PTPRR: variants seen among roughly 807,000 people sequenced by gnomAD.
PTPRR encodes protein tyrosine phosphatase receptor type R.
A neutral mutation model predicts 77.2 loss-of-function variants in PTPRR; 38 were observed. The ratio of observed to expected loss-of-function variants is 0.49; its 90% confidence interval spans 0.38 to 0.65. The LOEUF is 0.65. PTPRR is among the 30% of genes least tolerant of loss of function. The probability of loss-of-function intolerance (pLI) is 0.00; values close to 1 mark genes in which losing one functional copy is unlikely to be tolerated. For missense variants in PTPRR, 744 were observed against 799.2 expected (o/e 0.93, Z 0.83); for synonymous variants, 299 against 283.1 (o/e 1.06, Z -0.57).
intron 2 of PTPRR, among the ~76,000 whole-genome samples, chr12:70,787,096 G>T (rs558292743): frequency 4.6e-5 from 7 of 152,260 alleles, no homozygotes; most frequent in African/African-American, 1.7e-4. Flanking sequence ...GAGTGATGTT[G>T]TCTGCAGCAT....
chr12:70,883,321 G>A (rs1029078932), intron 2 of PTPRR, among the ~76,000 whole-genome samples: 1 of 152,014 alleles, frequency 6.6e-6, no homozygotes, highest in Non-Finnish European at 1.5e-5. Context: ...AAATTAGAGG[G>A]GAAACAGCAA....
rs535045462 is a variant in PTPRR, at chr12:70,816,803, G to T, written c.358-52025C>A. On this transcript the variant is annotated intron_variant, in intron 2 of 13. Coordinates refer to ENST00000283228, the MANE Select transcript of PTPRR (RefSeq NM_002849.4). ...TATTTATTTAAAATATTTTAAAATAGAAACTATGTTTTTCAACTTCTAAGT... is the reference window on the plus strand; with the variant it reads ...TATTTATTTAAAATATTTTAAAATATAAACTATGTTTTTCAACTTCTAAGT... Among the ~76,000 whole-genome samples, 407 of 151,958 alleles carry T rather than the reference G, an allele frequency of 2.7e-3. 4 individuals carry two copies. Among genetic ancestry groups the T allele is most frequent in the African/African-American group, 9.4e-3 (390 of 41,488 alleles).
rs539569672 is a variant in PTPRR, at chr12:70,822,356, T to C, written c.358-57578A>G. ...CACAGAGAGCTACGTTTTTCTGCAT[T>C]TGTAGAAACAAATAATTTGTGCTGC... On this transcript the variant is annotated intron_variant, in intron 2 of 13. Coordinates refer to ENST00000283228, the MANE Select transcript of PTPRR (RefSeq NM_002849.4). Among the ~76,000 whole-genome samples the C allele has an allele frequency of 7.4e-4, 112 of 152,304 alleles. 1 individual carries two copies. Among genetic ancestry groups the C allele is most frequent in the African/African-American group, 2.7e-3 (111 of 41,550 alleles).
intron 2 of PTPRR, among the ~76,000 whole-genome samples, chr12:70,845,857 T>C (rs1289595286): frequency 6.6e-6 from 1 of 152,198 alleles, no homozygotes; most frequent in African/African-American, 2.4e-5. Flanking sequence ...TATAATCTTC[T>C]GGAATAAGAT....
chr12:70,769,379 G>C (rs1890911842), intron 2 of PTPRR, among the ~76,000 whole-genome samples: 1 of 151,762 alleles, frequency 6.6e-6, no homozygotes, highest in Non-Finnish European at 1.5e-5. Flanking sequence ...GACAAACAGA[G>C]AGCCAAATCA....
chr12:70,791,303 C>G (rs1015292018), intron 2 of PTPRR, among the ~76,000 whole-genome samples: 1 of 152,146 alleles, frequency 6.6e-6, no homozygotes, highest in Non-Finnish European at 1.5e-5. Flanking sequence ...ACCAAGCCCC[C>G]GCCAGCCTCA....
chr12:70,672,008 C>T (rs1592656922), intron 10 of PTPRR: 6 of 1,306,678 alleles, frequency 4.6e-6, no homozygotes, highest in Non-Finnish European at 6.6e-6. Flanking sequence ...GAGACTAGTC[C>T]AGTTCCAGGC....
At chr12:70,875,040 C>T (rs778641153) in intron 2 of PTPRR, among the ~76,000 whole-genome samples, 1 of 151,240 alleles carries the variant, frequency 6.6e-6, no homozygotes, top group Non-Finnish European at 1.5e-5. Flanking sequence ...ATTCATATGG[C>T]CAAAAATAAA....
At chr12:70,911,565 G>A (rs1289459846) in intron 1 of PTPRR, among the ~76,000 whole-genome samples, 2 of 152,220 alleles carry the variant, frequency 1.3e-5, no homozygotes, top group Admixed American at 1.3e-4. Context: ...ATTCATTTAA[G>A]TAGAACTTGC....
At chr12:70,801,865 TA>T (rs1160420732) in intron 2 of PTPRR, among the ~76,000 whole-genome samples, 1 of 152,218 alleles carries the variant, frequency 6.6e-6, no homozygotes, top group African/African-American at 2.4e-5. Flanking sequence ...CAATCCAGAA[TA>T]AACAGCTTTT....
chr12:70,781,242 C>G (rs1054601193), intron 2 of PTPRR, among the ~76,000 whole-genome samples: 1 of 152,134 alleles, frequency 6.6e-6, no homozygotes, highest in African/African-American at 2.4e-5. Context: ...TACAACTTTT[C>G]TTGTTAGGTA....
Position 70,639,061 on chromosome 12 carries a change from T to C in PTPRR, c.*123A>G. ...ATGTTGCCCAGTCTTCCACAATCCA[T>C]GCCATACATGGGCTTCAGAGCTTCT... is the stretch of plus-strand genomic sequence containing the variant. On this transcript the variant is annotated 3_prime_UTR_variant, in exon 14 of 14. Transcript: ENST00000283228. 1.3e-6 allele frequency: 1 copy of C among 772,434 alleles called. No individual in the cohort carries two copies. The highest frequency in any genetic ancestry group is 2.1e-6 in the Non-Finnish European group (1 of 466,458). The allele number at this position is 772,434 out of a possible 1,614,324, so 47.8% of individuals were successfully genotyped here.
intron 2 of PTPRR, among the ~76,000 whole-genome samples, chr12:70,866,763 C>T (rs1892858285): frequency 6.6e-6 from 1 of 152,172 alleles, no homozygotes; most frequent in Non-Finnish European, 1.5e-5. Flanking sequence ...CCTTGATGAA[C>T]ATTGATGCAA....
intron 1 of PTPRR, among the ~76,000 whole-genome samples, chr12:70,900,953 C>T (rs944127046): frequency 6.6e-6 from 1 of 151,360 alleles, no homozygotes; most frequent in Non-Finnish European, 1.5e-5. Flanking sequence ...GTTTCTTTTC[C>T]AAAATGCTTG....
intron 6 of PTPRR, among the ~76,000 whole-genome samples, chr12:70,708,815 A>C (rs4760889): frequency 0.051 from 4,517 of 89,066 alleles, 109 homozygotes; most frequent in Middle Eastern, 0.09. Context: ...TACAAATACA[A>C]ACACACACAC....
At chr12:70,653,865 GT>G (rs1886482579) in intron 13 of PTPRR, among the ~76,000 whole-genome samples, 1 of 152,184 alleles carries the variant, frequency 6.6e-6, no homozygotes. Flanking sequence ...AGCCCAGAAT[GT>G]TAATCGCCAT....
chr12:70,870,744 T>C (rs1892945467), intron 2 of PTPRR, among the ~76,000 whole-genome samples: 2 of 152,236 alleles, frequency 1.3e-5, no homozygotes, highest in African/African-American at 4.8e-5. Context: ...AAGAGTTCAA[T>C]TGTAGCAGCT....
In PTPRR at chr12:70,801,742, A is replaced by AATCTATCTATCTATCTATCTATCTATCT. The variant is rs150514515; in HGVS notation, c.358-36965_358-36964insAGATAGATAGATAGATAGATAGATAGAT. Among the ~76,000 whole-genome samples, 46 of 151,682 alleles carry AATCTATCTATCTATCTATCTATCTATCT rather than the reference A, an allele frequency of 3.0e-4. No individual in the cohort carries two copies. In the South Asian group the frequency reaches 3.7e-3, roughly 12 times the overall value. On this transcript the variant is annotated intron_variant, in intron 2 of 13. Coordinates refer to ENST00000283228, the MANE Select transcript of PTPRR (RefSeq NM_002849.4). The stretch of plus-strand genomic sequence containing the variant: ...ACCACATGAGCCACTCCTTATAATA[A>AATCTATCTATCTATCTATCTATCTATCT]ATCTATCTATCTATCTATCTATAGC...
chr12:70,799,382 G>A (rs1592763897), intron 2 of PTPRR, among the ~76,000 whole-genome samples: 2 of 152,188 alleles, frequency 1.3e-5, no homozygotes, highest in Middle Eastern at 6.8e-3. Context: ...TTTCAATTGA[G>A]CTCCCAGAAT....
Sources: allele counts gnomAD v4.1 joint callset (sites outside exome capture counted in the v4.1 genomes callset), GRCh38; gene constraint gnomAD v4.1.1; transcripts MANE v1.5; gene names NCBI Gene and HGNC (gene_info 2026-07-23, HGNC 2026-07-21).